The following CDH13 variants were observed in gnomAD, a reference collection of about 807,000 sequenced individuals.
CDH13 encodes the protein cadherin-13.
CDH13 carries 24 observed loss-of-function variants against 63.8 expected under a neutral mutation model. The observed-to-expected ratio is 0.38, with a 90% CI of 0.27 to 0.53. CDH13 has a LOEUF of 0.53. CDH13 is among the 20% of genes least tolerant of loss of function. The probability of loss-of-function intolerance (pLI) is 0.85; values close to 1 mark genes in which losing one functional copy is unlikely to be tolerated. For synonymous variants in CDH13, 503 were observed against 355.3 expected, an observed-to-expected ratio of 1.42 and a Z score of -4.67; for missense variants, 1,049 against 903.1, an observed-to-expected ratio of 1.16 and a Z score of -2.07.
chr16:82,783,770 T>C (rs967339867), intron 1 of CDH13, among the ~76,000 whole-genome samples: 3 of 152,134 alleles, frequency 2.0e-5, no homozygotes, highest in African/African-American at 4.8e-5. Flanking sequence ...GTAGAATTAC[T>C]AGGGCAGTAT....
intron 3 of CDH13, among the ~76,000 whole-genome samples, chr16:83,095,783 A>G (rs959278976): frequency 4.6e-5 from 7 of 152,218 alleles, no homozygotes; most frequent in African/African-American, 1.2e-4. Flanking sequence ...CTAAGACTCT[A>G]TGATTCTCAC....
intron 2 of CDH13, among the ~76,000 whole-genome samples, chr16:82,961,653 T>G (rs1232104059): frequency 6.6e-6 from 1 of 151,422 alleles, no homozygotes; most frequent in Non-Finnish European, 1.5e-5. Context: ...TAGGGTGGAC[T>G]TTGCTCTCAG....
intron 5 of CDH13, among the ~76,000 whole-genome samples, chr16:83,259,669 A>C (rs115333723): frequency 0.043 from 6,467 of 152,154 alleles, 477 homozygotes; most frequent in African/African-American, 0.15. Flanking sequence ...ATTATACAGT[A>C]AGTTTTAGAG....
intron 2 of CDH13, among the ~76,000 whole-genome samples, chr16:82,959,375 A>G (rs1906612318): frequency 6.6e-6 from 1 of 152,098 alleles, no homozygotes; most frequent in Non-Finnish European, 1.5e-5. Context: ...TTAGTTTTCT[A>G]TTTCTTCTGT....
chr16:82,789,448 C>G (rs1211562337), intron 1 of CDH13, among the ~76,000 whole-genome samples: 3 of 152,204 alleles, frequency 2.0e-5, no homozygotes, highest in Non-Finnish European at 4.4e-5. Context: ...AAGGCGATGA[C>G]AAGAACAACT....
At chr16:83,191,526 C>CATAT (rs763006044) in intron 4 of CDH13, among the ~76,000 whole-genome samples, 94 of 101,668 alleles carry the variant, frequency 9.2e-4, no homozygotes, top group Middle Eastern at 4.6e-3. Flanking sequence ...CACACACACA[C>CATAT]ACACATATAT....
intron 1 of CDH13, among the ~76,000 whole-genome samples, chr16:82,687,251 A>C (rs1405513435): frequency 2.0e-5 from 3 of 152,216 alleles, no homozygotes; most frequent in Non-Finnish European, 4.4e-5. Context: ...AGGGTTTAGC[A>C]CAAGGGGTAA....
In CDH13 at chr16:83,486,467, GC is replaced by G; in HGVS notation, c.782-6del. 1 of 1,609,172 alleles carries G rather than the reference GC, an allele frequency of 6.2e-7. No individual in the cohort carries two copies. The highest frequency in any genetic ancestry group is 8.5e-7 in the Non-Finnish European group (1 of 1,177,018). On this transcript the variant is annotated splice_polypyrimidine_tract_variant and intron_variant, in intron 6 of 13. Transcript: ENST00000567109. ...TAACCATTCCGTGCCTTTCTGTCTT[GC>G]CCCGGTAGGCACCACAGTGATGCGG...
chr16:83,579,274 C>T (rs774242023), intron 7 of CDH13, among the ~76,000 whole-genome samples: 7 of 152,148 alleles, frequency 4.6e-5, no homozygotes, highest in African/African-American at 1.7e-4. Flanking sequence ...GGCTGACTTC[C>T]TACACTGTCA....
chr16:83,344,768 T>C, intron 5 of CDH13, 94 bp from the exon 6 acceptor site: 1 of 1,365,338 alleles, frequency 7.3e-7, no homozygotes, highest in East Asian at 2.3e-5. Context: ...GCTCATAAAA[T>C]TGTCGATATA....
intron 5 of CDH13, among the ~76,000 whole-genome samples, chr16:83,246,278 G>T (rs1904983450): frequency 6.6e-6 from 1 of 152,160 alleles, no homozygotes; most frequent in Admixed American, 6.5e-5. Flanking sequence ...GCAAAAACTT[G>T]AACAAGACAT....
chr16:82,959,493 G>C (rs1906631013), intron 2 of CDH13, among the ~76,000 whole-genome samples: 2 of 152,146 alleles, frequency 1.3e-5, no homozygotes, highest in Admixed American at 1.3e-4. Flanking sequence ...CCCTCTCCCA[G>C]TTTCTAGAGG....
intron 10 of CDH13, among the ~76,000 whole-genome samples, chr16:83,680,626 G>A (rs116893969): frequency 0.026 from 4,004 of 152,238 alleles, 83 homozygotes; most frequent in Middle Eastern, 0.034. Context: ...AGAAGAAGGA[G>A]GTCAGAGAAA....
chr16:82,692,344 A>G (rs1915724583), intron 1 of CDH13, among the ~76,000 whole-genome samples: 4 of 152,224 alleles, frequency 2.6e-5, no homozygotes, highest in South Asian at 4.1e-4. Flanking sequence ...TATAAAGGAA[A>G]GAGGATTAAT....
At chr16:83,487,890 C>A (rs60790623) in intron 7 of CDH13, among the ~76,000 whole-genome samples, 1,851 of 152,324 alleles carry the variant, frequency 0.012, 29 homozygotes, top group African/African-American at 0.043. Context: ...ATTACATCAA[C>A]CCCTTCTAAG....
Position 82,858,458 on chromosome 16 carries a change from C to T in CDH13, c.142C>T (p.Gln48Ter). 6.2e-7 allele frequency: 1 copy of T among 1,604,722 alleles called. No individual in the cohort carries two copies. Among genetic ancestry groups the T allele is most frequent in the Non-Finnish European group, 8.5e-7 (1 of 1,171,560 alleles). The change falls in exon 2 of 14, where the codon CAG becomes TAG. Residue 48 changes from glutamine to a stop codon, truncating the protein, a stop_gained. Transcript: ENST00000567109. LOFTEE classifies it high-confidence loss of function. ...TCAGCCAGCTGAATTCATTGAGGACCAGTCAATTCTAAACTGTAAGCAATG... is the reference window on the plus strand; with the variant it reads ...TCAGCCAGCTGAATTCATTGAGGACTAGTCAATTCTAAACTGTAAGCAATG... ...INQPAEFIED[Q>*]SILNLTFSDC... is the part of the protein sequence containing the mutation.
At chr16:82,982,205 A>G (rs1910357086) in intron 2 of CDH13, among the ~76,000 whole-genome samples, 2 of 152,164 alleles carry the variant, frequency 1.3e-5, no homozygotes, top group African/African-American at 2.4e-5. Flanking sequence ...ATATAAACCA[A>G]TTTCACAAGC....
intron 5 of CDH13, among the ~76,000 whole-genome samples, chr16:83,247,780 A>G (rs747170037): frequency 1.3e-5 from 2 of 152,166 alleles, no homozygotes; most frequent in Non-Finnish European, 2.9e-5. Flanking sequence ...AACCAATAAC[A>G]CTTCTATATT....
intron 2 of CDH13, among the ~76,000 whole-genome samples, chr16:82,941,123 T>C (rs754197209): frequency 3.9e-5 from 6 of 152,192 alleles, no homozygotes; most frequent in Non-Finnish European, 8.8e-5. Flanking sequence ...ATCAGGAAGC[T>C]CTGAAAGCTG....
Sources: allele counts gnomAD v4.1 joint callset (sites outside exome capture counted in the v4.1 genomes callset), GRCh38; gene constraint gnomAD v4.1.1; transcripts MANE v1.5; gene names NCBI Gene and HGNC (gene_info 2026-07-23, HGNC 2026-07-21).